Variants in DMXL1 observed in about 807,000 individuals in gnomAD.
The protein encoded by DMXL1 is dmX-like protein 1.
Under a neutral mutation model 319.2 loss-of-function variants are expected in DMXL1, and 99 were observed. The observed-to-expected ratio is 0.31, with a 90% CI of 0.26 to 0.37. The LOEUF (loss-of-function observed/expected upper bound fraction) is 0.37, where lower values mean the gene tolerates loss of function less well. Ranked by LOEUF, DMXL1 falls within the 10% of genes least tolerant of loss-of-function variation. The pLI is 1.00. For synonymous variants in DMXL1, 1,385 were observed against 1,235.2 expected (o/e 1.12, Z -2.54); for missense variants, 3,745 against 3,595.6 (o/e 1.04, Z -1.06).
intron 29 of DMXL1, among the ~76,000 whole-genome samples, chr5:119,191,399 G>C (rs895461079): frequency 6.6e-6 from 1 of 152,160 alleles, no homozygotes; most frequent in Non-Finnish European, 1.5e-5. Flanking sequence ...AAATGTTTAA[G>C]GGTAGTGAAG....
intron 38 of DMXL1, among the ~76,000 whole-genome samples, chr5:119,226,042 A>C (rs1337962216): frequency 6.6e-6 from 1 of 152,166 alleles, no homozygotes; most frequent in Non-Finnish European, 1.5e-5. Flanking sequence ...GTCCCATACC[A>C]TGTGTCCTGG....
chr5:119,113,858 T>A (rs995512688), intron 5 of DMXL1, among the ~76,000 whole-genome samples: 1 of 152,348 alleles, frequency 6.6e-6, no homozygotes, highest in South Asian at 2.1e-4. Context: ...AAATTTAGAA[T>A]TGACCTATCT....
chr5:119,221,735 A>G (rs1392554066), intron 37 of DMXL1, among the ~76,000 whole-genome samples: 7 of 152,018 alleles, frequency 4.6e-5, no homozygotes, highest in African/African-American at 1.7e-4. Flanking sequence ...TCAATTAATA[A>G]CTATATCCAT....
chr5:119,232,101 C>G (rs796377922), intron 38 of DMXL1, among the ~76,000 whole-genome samples: 3 of 152,224 alleles, frequency 2.0e-5, no homozygotes, highest in African/African-American at 7.2e-5. Flanking sequence ...CTGCCTCAGT[C>G]TCCTGAGTAG....
chr5:119,097,923 T>C, intron 1 of DMXL1, 56 bp from the exon 2 acceptor site: 3 of 1,429,480 alleles, frequency 2.1e-6, no homozygotes, highest in African/African-American at 1.4e-5. Context: ...ACTAGTATTC[T>C]ACATGGTAAA....
intron 13 of DMXL1, among the ~76,000 whole-genome samples, chr5:119,135,520 G>A (rs2150062186): frequency 6.6e-6 from 1 of 152,256 alleles, no homozygotes; most frequent in African/African-American, 2.4e-5. Flanking sequence ...GAGCATGTTT[G>A]GTATGTGATA....
rs182228465 is a variant in DMXL1 at position 119,193,673 on chromosome 5, T to C, written c.7315-155T>C. ...TGAATAAATAATGGAATAGTATCAA[T>C]TGATGTCAAAGGCATAGGATGGTAA... On this transcript the variant is annotated intron_variant, in intron 29 of 43. Transcript: ENST00000539542. 2.0e-5 allele frequency among the ~76,000 whole-genome samples: 3 copies of C among 152,274 alleles called. No homozygotes were observed. In the East Asian group the frequency reaches 5.8e-4, roughly 29 times the overall value.
rs563588077 is a variant in DMXL1 at position 119,093,918 on chromosome 5, G to A, written c.88-4061G>A. Among the ~76,000 whole-genome samples, 14 of 152,270 alleles carry A rather than the reference G, an allele frequency of 9.2e-5. No individual in the cohort carries two copies. The East Asian group carries it at 2.1e-3, about 23-fold the overall frequency. Reference sequence around the variant, plus strand: ...CAGGACCCTAACTCTTCTCAATTCCGTGAAGGCTGGGAGAGGTGAGGAAGC... The same window carrying A: ...CAGGACCCTAACTCTTCTCAATTCCATGAAGGCTGGGAGAGGTGAGGAAGC... On this transcript the variant is annotated intron_variant, in intron 1 of 43. Coordinates refer to ENST00000539542, the MANE Select transcript of DMXL1 (RefSeq NM_001290321.3).
At chr5:119,245,423 A>T (rs1789553385) in intron 43 of DMXL1, among the ~76,000 whole-genome samples, 1 of 152,208 alleles carries the variant, frequency 6.6e-6, no homozygotes. Flanking sequence ...AATTTTTAAA[A>T]GCCTTTTTCT....
chr5:119,163,757 A>T (rs1772782065), intron 19 of DMXL1, among the ~76,000 whole-genome samples: 1 of 152,082 alleles, frequency 6.6e-6, no homozygotes, highest in African/African-American at 2.4e-5. Context: ...TTGTATTTTT[A>T]GTAGAGATAG....
At chr5:119,081,997 TTATATATATATA>T (rs144946899) in intron 1 of DMXL1, among the ~76,000 whole-genome samples, 9 of 116,238 alleles carry the variant, frequency 7.7e-5, no homozygotes, top group African/African-American at 2.6e-4. Context: ...TTTCTTAAGG[TTATATATATATA>T]TATATATATA....
intron 37 of DMXL1, among the ~76,000 whole-genome samples, chr5:119,223,855 A>T (rs1468246688): frequency 6.6e-6 from 1 of 152,188 alleles, no homozygotes; most frequent in East Asian, 1.9e-4. Flanking sequence ...GAATTTAAAT[A>T]TGAAGTTTAC....
At chr5:119,174,889 G>T (rs770027921) in intron 25 of DMXL1, among the ~76,000 whole-genome samples, 1 of 152,178 alleles carries the variant, frequency 6.6e-6, no homozygotes, top group Non-Finnish European at 1.5e-5. Context: ...TGAACTGTCA[G>T]TTATCAGGCT....
At chr5:119,155,543 TA>T (rs1347188282) in intron 19 of DMXL1, among the ~76,000 whole-genome samples, 1 of 151,966 alleles carries the variant, frequency 6.6e-6, no homozygotes, top group Non-Finnish European at 1.5e-5. Context: ...AATCTCAGGG[TA>T]AAACTTCAGC....
intron 10 of DMXL1, among the ~76,000 whole-genome samples, chr5:119,131,601 A>G (rs1189155440): frequency 6.6e-6 from 1 of 152,184 alleles, no homozygotes; most frequent in Non-Finnish European, 1.5e-5. Context: ...TCTTTTTACC[A>G]TGAGCAAAAC....
At chr5:119,178,623 T>C in intron 28 of DMXL1, 5 of 985,416 alleles carry the variant, frequency 5.1e-6, no homozygotes, top group Non-Finnish European at 4.8e-6. Flanking sequence ...GTATTCTCCA[T>C]GGAATGTGTG....
chr5:119,165,093 T>C (rs760656676), intron 20 of DMXL1, 90 bp from the exon 21 acceptor site: 35 of 735,722 alleles, frequency 4.8e-5, no homozygotes, highest in Non-Finnish European at 7.0e-5. Context: ...TATTAAACAT[T>C]CAATGGATAT....
At chr5:119,203,217 T>C (rs1781140129) in intron 32 of DMXL1, 102 bp from the exon 33 acceptor site, 1 of 707,116 alleles carries the variant, frequency 1.4e-6, no homozygotes, top group Non-Finnish European at 2.3e-6. Flanking sequence ...TACAGTCTGA[T>C]TGCAGTTAAT....
At chr5:119,206,313 C>T (rs573385968) in intron 33 of DMXL1, among the ~76,000 whole-genome samples, 1 of 151,940 alleles carries the variant, frequency 6.6e-6, no homozygotes, top group East Asian at 1.9e-4. Context: ...ACTACTATTC[C>T]CTTTTAAGAA....
Sources: allele counts gnomAD v4.1 joint callset (sites outside exome capture counted in the v4.1 genomes callset), GRCh38; gene constraint gnomAD v4.1.1; transcripts MANE v1.5; gene names NCBI Gene and HGNC (gene_info 2026-07-23, HGNC 2026-07-21).